Variants in GPC3 observed in about 807,000 individuals in gnomAD.
The protein encoded by GPC3 is glypican-3.
In GPC3, 3 loss-of-function variants were observed where a neutral mutation model predicts 34.4. The ratio of observed to expected loss-of-function variants is 0.09; its 90% CI spans 0.04 to 0.23. GPC3 has a LOEUF of 0.23. Ranked by LOEUF, GPC3 falls within the 10% of genes least tolerant of loss-of-function variation. The pLI, the probability that GPC3 is intolerant of heterozygous loss-of-function variation, is 1.00. For synonymous variants in GPC3, 177 were observed against 174.0 expected (o/e 1.02, Z -0.13); for missense variants, 351 against 445.6 (o/e 0.79, Z 1.91).
chrX:133,919,455 G>C (rs947425978), intron 2 of GPC3, among the ~76,000 whole-genome samples: 21 of 111,771 alleles, frequency 1.9e-4, no homozygotes, highest in Non-Finnish European at 3.2e-4. Flanking sequence ...TCTTTAAAAA[G>C]ATAATATCCC....
At position 133,788,194 on chromosome X, in the gene GPC3, C is replaced by T. The variant is rs1210167080; in HGVS notation, c.338-34018G>A. 3.0e-5 allele frequency among the ~76,000 whole-genome samples: 3 copies of T among 99,966 alleles called. No homozygotes were observed. The East Asian group carries it at 9.7e-4, about 32-fold the overall frequency. 86.8% of individuals were successfully genotyped at this position (99,966 alleles called of 115,157 possible). ...AATGTCATTAGCTTCATAATAAACT[C>T]CCCTTATCCAGCTTCCTAGGTAAAG... On this transcript the variant is annotated intron_variant, in intron 2 of 7. Coordinates refer to ENST00000370818, the MANE Select transcript of GPC3 (RefSeq NM_004484.4).
intron 1 of GPC3, among the ~76,000 whole-genome samples, chrX:133,963,442 G>A (rs2076450076): frequency 8.9e-6 from 1 of 111,893 alleles, no homozygotes; most frequent in Admixed American, 9.4e-5. Context: ...GTCGTTGTGA[G>A]AATTAAATTA....
At chrX:133,537,561 G>C (rs955955350) in intron 7 of GPC3, among the ~76,000 whole-genome samples, 3 of 111,802 alleles carry the variant, frequency 2.7e-5, no homozygotes, top group Non-Finnish European at 3.8e-5. Context: ...AGGCAGCAAG[G>C]TCAAAGTGAT....
chrX:133,850,008 CTATT>C (rs1224639037), intron 2 of GPC3, among the ~76,000 whole-genome samples: 2 of 111,037 alleles, frequency 1.8e-5, no homozygotes, highest in Non-Finnish European at 3.8e-5. Context: ...ACCTAATTCT[CTATT>C]TCTTTCATTT....
chrX:133,925,785 C>T (rs1355878177), intron 2 of GPC3, among the ~76,000 whole-genome samples: 1 of 111,469 alleles, frequency 9.0e-6, no homozygotes, highest in Non-Finnish European at 1.9e-5. Context: ...GTAATTGCTA[C>T]CCTGTGCATC....
At position 133,753,471 on chromosome X, in the gene GPC3, C is replaced by A. The variant is rs756076494; in HGVS notation, c.1032+11G>T. On this transcript the variant is annotated intron_variant, in intron 3 of 7. Coordinates refer to ENST00000370818, the MANE Select transcript of GPC3 (RefSeq NM_004484.4). Reference sequence around the variant, plus strand: ...GCCCAAATCCTCTGACAACTGTAGACTGGTACTCACAGTGGTGGTCAGCTT... The same window carrying A: ...GCCCAAATCCTCTGACAACTGTAGAATGGTACTCACAGTGGTGGTCAGCTT... 2.5e-6 allele frequency: 3 copies of A among 1,181,557 alleles called. No individual in the cohort carries two copies. The Admixed American group carries it at 6.5e-5, about 26-fold the overall frequency.
At chrX:133,637,224 T>C (rs1273991078) in intron 6 of GPC3, among the ~76,000 whole-genome samples, 1 of 110,696 alleles carries the variant, frequency 9.0e-6, no homozygotes, top group Non-Finnish European at 1.9e-5. Context: ...TCCTAGAACT[T>C]TGGGAGGCTG....
At chrX:133,853,766 T>C (rs2075886895) in intron 2 of GPC3, among the ~76,000 whole-genome samples, 2 of 111,987 alleles carry the variant, frequency 1.8e-5, no homozygotes, top group African/African-American at 6.5e-5. Context: ...CAAGAAGAGA[T>C]AGATATTTAA....
At chrX:133,894,280 G>A (rs1057088215) in intron 2 of GPC3, among the ~76,000 whole-genome samples, 1 of 112,075 alleles carries the variant, frequency 8.9e-6, no homozygotes, top group Admixed American at 9.5e-5. Context: ...GCATCCTCTT[G>A]TATCTCAAGA....
At chrX:133,594,914 C>G (rs973034202) in intron 7 of GPC3, among the ~76,000 whole-genome samples, 17 of 110,244 alleles carry the variant, frequency 1.5e-4, no homozygotes, top group Middle Eastern at 4.7e-3. Flanking sequence ...AAAGTTGAGG[C>G]CAGCCATGGT....
At chrX:133,642,300 A>G (rs1179757113) in intron 6 of GPC3, among the ~76,000 whole-genome samples, 1 of 111,729 alleles carries the variant, frequency 9.0e-6, no homozygotes, top group Admixed American at 9.5e-5. Context: ...TTCCCAGAAT[A>G]TTTGGGGTTA....
At chrX:133,973,854 C>T (rs1243026192) in intron 1 of GPC3, among the ~76,000 whole-genome samples, 1 of 111,639 alleles carries the variant, frequency 9.0e-6, no homozygotes, top group Admixed American at 9.5e-5. Context: ...GGGGGAGGGA[C>T]AGAGGAGCCA....
At chrX:133,660,041 C>T (rs1233056719) in intron 6 of GPC3, among the ~76,000 whole-genome samples, 1 of 111,895 alleles carries the variant, frequency 8.9e-6, no homozygotes, top group Non-Finnish European at 1.9e-5. Flanking sequence ...TAGGTAGACA[C>T]TGCCATTACC....
intron 4 of GPC3, among the ~76,000 whole-genome samples, chrX:133,694,026 TTCTAAATGAAGGCCTCACAAGATGAGGCC>T (rs1349418543): frequency 9.0e-6 from 1 of 110,860 alleles, no homozygotes; most frequent in African/African-American, 3.3e-5. Flanking sequence ...GTATGAGGCC[TTCTAAATGAAGGCCTCACAAGATGAGGCC>T]GCCTAATCTT....
At chrX:133,962,486 T>G (rs1421503773) in intron 1 of GPC3, among the ~76,000 whole-genome samples, 1 of 111,943 alleles carries the variant, frequency 8.9e-6, no homozygotes, top group Admixed American at 9.5e-5. Context: ...CTAGAGCAAC[T>G]TTTAGAAAAG....
chrX:133,814,087 G>A (rs1433106623), intron 2 of GPC3, among the ~76,000 whole-genome samples: 1 of 111,866 alleles, frequency 8.9e-6, no homozygotes, highest in Non-Finnish European at 1.9e-5. Context: ...GAGGCTTGAA[G>A]CATGGAGAAC....
intron 2 of GPC3, among the ~76,000 whole-genome samples, chrX:133,840,237 T>C (rs777922276): frequency 9.0e-6 from 1 of 111,345 alleles, no homozygotes; most frequent in Non-Finnish European, 1.9e-5. Flanking sequence ...ATCTCACATA[T>C]GTAGGTTTAT....
chrX:133,823,123 C>T (rs1202811037), intron 2 of GPC3, among the ~76,000 whole-genome samples: 12 of 49,021 alleles, frequency 2.4e-4, no homozygotes, highest in African/African-American at 6.4e-4. Flanking sequence ...AGCAAGACTC[C>T]GTCTCAAAAA....
intron 2 of GPC3, among the ~76,000 whole-genome samples, chrX:133,770,862 T>C (rs763844511): frequency 1.8e-5 from 2 of 112,233 alleles, no homozygotes; most frequent in South Asian, 7.5e-4. Context: ...TATTTTCTTC[T>C]AGGAGTTTCA....
Sources: gnomAD v4.1 joint callset for allele counts (sites outside exome capture counted in the v4.1 genomes callset) on GRCh38, gnomAD v4.1.1 for gene constraint, MANE v1.5 for transcripts, NCBI Gene and HGNC (gene_info 2026-07-23, HGNC 2026-07-21) for gene names.